ACSM2B: variants seen among roughly 807,000 people sequenced by gnomAD.
ACSM2B encodes acyl-CoA synthetase medium chain family member 2B.
A neutral mutation model predicts 78.6 loss-of-function variants in ACSM2B; 58 were observed. That is an observed-to-expected ratio of 0.74 (90% CI 0.60 to 0.92). The LOEUF (loss-of-function observed/expected upper bound fraction) is 0.92, where lower values mean the gene tolerates loss of function less well. Ranked by LOEUF, ACSM2B falls within the 40% of genes least tolerant of loss-of-function variation. The pLI is 0.00. For missense variants in ACSM2B, 688 were observed against 711.2 expected (o/e 0.97, Z 0.37); for synonymous variants, 257 against 256.8 (o/e 1.00, Z -0.01).
intron 1 of ACSM2B, among the ~76,000 whole-genome samples, chr16:20,567,510 A>T (rs368205424): frequency 1.3e-4 from 9 of 68,506 alleles, no homozygotes; most frequent in South Asian, 5.6e-4. Flanking sequence ...AAAATATATA[A>T]ATAATATATA....
At chr16:20,558,465 C>T (rs1456324120) in intron 3 of ACSM2B, among the ~76,000 whole-genome samples, 1 of 151,712 alleles carries the variant, frequency 6.6e-6, no homozygotes, top group African/African-American at 2.4e-5. Flanking sequence ...AAACTCTTCT[C>T]TACCACAACT....
chr16:20,565,583 A>C (rs1431978838), intron 1 of ACSM2B, among the ~76,000 whole-genome samples: 1 of 152,154 alleles, frequency 6.6e-6, no homozygotes, highest in Non-Finnish European at 1.5e-5. Context: ...CTTTAAATTG[A>C]ATCTGGACTG....
chr16:20,575,418 T>A (rs1012864084), intron 1 of ACSM2B: 5 of 151,502 alleles, frequency 3.3e-5, no homozygotes, highest in Non-Finnish European at 5.9e-5. Context: ...CAGTATTAAC[T>A]CACATGATCA....
At chr16:20,546,582 T>C (rs1327512846) in intron 8 of ACSM2B, 108 bp from the exon 9 acceptor site, 1 of 1,441,568 alleles carries the variant, frequency 6.9e-7, no homozygotes, top group Non-Finnish European at 9.2e-7. Flanking sequence ...GAACTTGGCC[T>C]GCACTTGGTG....
At chr16:20,564,943 T>C in intron 1 of ACSM2B, 90 bp from the exon 2 acceptor site, 9 of 1,496,930 alleles carry the variant, frequency 6.0e-6, no homozygotes, top group Non-Finnish European at 8.0e-6. Context: ...ATCCCAACCT[T>C]ATAGGATTCT....
rs2014864788 is a variant in ACSM2B, at chr16:20,537,198, G to T, written c.*60C>A. On this transcript the variant is annotated 3_prime_UTR_variant, in exon 14 of 14. Coordinates refer to ENST00000329697, the MANE Select transcript of ACSM2B (RefSeq NM_001105069.2). ...TCATATCATCATAGTAAGGCCAAGG[G>T]CCCAAAGGGAAAAGAAAGAGAAAGA... The T allele has an allele frequency of 6.3e-7, 1 of 1,590,488 alleles. No individual in the cohort carries two copies. The highest frequency in any genetic ancestry group is 8.6e-7 in the Non-Finnish European group (1 of 1,159,548).
At chr16:20,546,722 T>C (rs1002917203) in intron 8 of ACSM2B, 2 of 512,822 alleles carry the variant, frequency 3.9e-6, no homozygotes, top group African/African-American at 3.9e-5. Flanking sequence ...AACAATCACA[T>C]TATAATCTCT....
At chr16:20,569,670 G>A (rs2016041501) in intron 1 of ACSM2B, among the ~76,000 whole-genome samples, 1 of 151,894 alleles carries the variant, frequency 6.6e-6, no homozygotes, top group Non-Finnish European at 1.5e-5. Context: ...TGGCAATATA[G>A]TCATTTTTAC....
At chr16:20,557,288 C>G (rs929405261) in intron 3 of ACSM2B, among the ~76,000 whole-genome samples, 1 of 152,076 alleles carries the variant, frequency 6.6e-6, no homozygotes, top group African/African-American at 2.4e-5. Flanking sequence ...CCTAACATAC[C>G]CATACCTCTT....
intron 1 of ACSM2B, among the ~76,000 whole-genome samples, chr16:20,570,491 A>G (rs1405206625): frequency 1.3e-5 from 2 of 151,916 alleles, no homozygotes; most frequent in Admixed American, 6.6e-5. Context: ...TTTTGCATCT[A>G]TGTTCATCAA....
chr16:20,564,468 C>T (rs1012558108), intron 2 of ACSM2B, among the ~76,000 whole-genome samples: 26 of 152,156 alleles, frequency 1.7e-4, no homozygotes, highest in African/African-American at 2.7e-4. Flanking sequence ...GGTTGCCACA[C>T]TCCTGTGCCT....
At chr16:20,557,318 C>T (rs1484465971) in intron 3 of ACSM2B, among the ~76,000 whole-genome samples, 2 of 152,182 alleles carry the variant, frequency 1.3e-5, no homozygotes, top group East Asian at 3.8e-4. Flanking sequence ...GTGCTCTTCA[C>T]TCCAGTGAAA....
At chr16:20,561,384 A>AG (rs1238139826) in intron 2 of ACSM2B, among the ~76,000 whole-genome samples, 1 of 150,832 alleles carries the variant, frequency 6.6e-6, no homozygotes, top group African/African-American at 2.4e-5. Context: ...GAAGAAGGTG[A>AG]GGGGGGAGCA....
At chr16:20,543,691 C>G (rs1382703562) in intron 10 of ACSM2B, among the ~76,000 whole-genome samples, 1 of 152,168 alleles carries the variant, frequency 6.6e-6, no homozygotes, top group African/African-American at 2.4e-5. Flanking sequence ...AGGAAGCCCC[C>G]TGGGACCCTG....
At chr16:20,558,225 T>G (rs1048830578) in intron 3 of ACSM2B, among the ~76,000 whole-genome samples, 2 of 152,070 alleles carry the variant, frequency 1.3e-5, no homozygotes, top group African/African-American at 4.8e-5. Context: ...GATCAGTAAC[T>G]GATACCAAGA....
intron 11 of ACSM2B, 52 bp downstream of exon 11, chr16:20,543,083 C>T: frequency 2.5e-6 from 4 of 1,613,326 alleles, no homozygotes; most frequent in Non-Finnish European, 3.4e-6. Flanking sequence ...AGTCTGGAAC[C>T]AGCCAGAGTA....
At chr16:20,567,511 A>AAATATATAAG (rs2015950876) in intron 1 of ACSM2B, among the ~76,000 whole-genome samples, 1 of 128,940 alleles carries the variant, frequency 7.8e-6, no homozygotes, top group Non-Finnish European at 1.6e-5. Flanking sequence ...AAATATATAA[A>AAATATATAAG]TAATATATAA....
rs148136861 is a variant in ACSM2B at position 20,559,303 on chromosome 16, G to A, written c.322C>T (p.Arg108Cys). Residue 108 changes from arginine (R) to cysteine (C), a missense_variant, in exon 3 of 14, where the codon CGT becomes TGT. By Grantham distance (180) the Arg-to-Cys change is radical (BLOSUM62 -3). Transcript: ENST00000329697. ...ACTCGGGGCAGCATCACTGCCACAC[G>A]ATCCCCACGCTGCAGGCCACAGGCT... ...SGACGLQRGD[R>C]VAVMLPRVPE... The A allele has an allele frequency of 4.3e-5, 69 of 1,613,548 alleles. No homozygotes were observed. The African/African-American group carries it at 5.6e-4, about 13-fold the overall frequency.
chr16:20,575,635 C>A (rs1306084521), intron 1 of ACSM2B: 1 of 149,986 alleles, frequency 6.7e-6, no homozygotes, highest in Non-Finnish European at 1.5e-5. Context: ...TGGTGCCTAC[C>A]CAGATTAAGG....
Sources: allele counts gnomAD v4.1 joint callset (sites outside exome capture counted in the v4.1 genomes callset), GRCh38; gene constraint gnomAD v4.1.1; transcripts MANE v1.5; gene names NCBI Gene and HGNC (gene_info 2026-07-23, HGNC 2026-07-21).